The following ULBP1 variants were observed in gnomAD, a reference collection of about 807,000 sequenced individuals.
ULBP1 encodes UL16 binding protein 1.
A neutral mutation model predicts 25.3 loss-of-function variants in ULBP1; 28 were observed. The observed-to-expected ratio is 1.10, with a 90% CI of 0.82 to 1.51. The LOEUF (loss-of-function observed/expected upper bound fraction) is 1.51, where lower values mean the gene tolerates loss of function less well. Among genes scored for constraint, ULBP1 ranks in the 40% most tolerant of loss-of-function variants. The pLI, the probability that ULBP1 is intolerant of heterozygous loss-of-function variation, is 0.00. For missense variants in ULBP1, 348 were observed against 290.9 expected, an observed-to-expected ratio of 1.20 and a Z score of -1.43; for synonymous variants, 129 against 103.0, an observed-to-expected ratio of 1.25 and a Z score of -1.53.
intron 1 of ULBP1, among the ~76,000 whole-genome samples, chr6:149,964,481 G>T (rs1202435672): frequency 7.5e-6 from 1 of 133,640 alleles, no homozygotes; most frequent in Non-Finnish European, 1.6e-5. Flanking sequence ...TTTCTGGAAG[G>T]ACCGGTGCTG....
At chr6:149,964,935 TGCGATCTCCCCGAACATC>T (rs1189483380) in intron 1 of ULBP1, among the ~76,000 whole-genome samples, 1 of 99,570 alleles carries the variant, frequency 1.0e-5, no homozygotes, top group African/African-American at 3.7e-5. Flanking sequence ...CCCGAAACAT[TGCGATCTCCCCGAACATC>T]GCGATCTCGC....
chr6:149,967,770 T>C (rs1347970317), intron 1 of ULBP1, among the ~76,000 whole-genome samples: 4 of 152,104 alleles, frequency 2.6e-5, no homozygotes, highest in African/African-American at 7.2e-5. Flanking sequence ...GGATTTTCCA[T>C]CCCCATTACT....
chr6:149,969,455 G>A (rs934423380), intron 3 of ULBP1, 95 bp downstream of exon 3: 4 of 1,526,486 alleles, frequency 2.6e-6, no homozygotes, highest in Middle Eastern at 1.7e-4. Flanking sequence ...GTTTGAGTGA[G>A]TATGAACATG....
chr6:149,964,187 T>C (rs911299247), intron 1 of ULBP1, 53 bp downstream of exon 1: 11 of 1,602,034 alleles, frequency 6.9e-6, no homozygotes, highest in Admixed American at 3.4e-5. Flanking sequence ...TGGGAGGTTG[T>C]GGACTGCAGC....
Position 149,964,485 on chromosome 6 carries a change from G to T in ULBP1, c.85+351G>T, listed in dbSNP as rs532763256. The stretch of plus-strand genomic sequence containing the variant: ...AGGCCAGGAGGTTTCTGGAAGGACC[G>T]GTGCTGTCTCCCCGAACATCGTGGT... On this transcript the variant is annotated intron_variant, in intron 1 of 4. Transcript: ENST00000229708. 9.6e-5 allele frequency among the ~76,000 whole-genome samples: 14 copies of T among 146,128 alleles called. No individual in the cohort carries two copies. In the Admixed American group the frequency reaches 9.6e-4, roughly 10 times the overall value.
rs757993537 is a variant in ULBP1, at chr6:149,969,403, T to A, written c.625+43T>A. The A allele has an allele frequency of 4.4e-6, 7 of 1,596,644 alleles. No individual in the cohort carries two copies. The African/African-American group carries it at 9.4e-5, about 21-fold the overall frequency. ...AAATGGAAGCTGTCTCGAGTTCAGA[T>A]CTTATCAGCTGGTGTATGTGTGTGA... is the stretch of plus-strand genomic sequence containing the variant. On this transcript the variant is annotated intron_variant, in intron 3 of 4. Coordinates refer to ENST00000229708, the MANE Select transcript of ULBP1 (RefSeq NM_025218.4).
intron 4 of ULBP1, among the ~76,000 whole-genome samples, chr6:149,970,351 G>A (rs1204548527): frequency 6.6e-6 from 1 of 152,214 alleles, no homozygotes; most frequent in African/African-American, 2.4e-5. Flanking sequence ...GAGGCCAGAG[G>A]GAAAGGGAGG....
intron 4 of ULBP1, among the ~76,000 whole-genome samples, chr6:149,971,013 C>T (rs949151138): frequency 1.3e-5 from 2 of 152,232 alleles, no homozygotes; most frequent in African/African-American, 4.8e-5. Flanking sequence ...TACAAGCCCA[C>T]CCAAGGCCAG....
In ULBP1 at chr6:149,972,062, G is replaced by T. The variant is rs2114718044; in HGVS notation, c.*716G>T. ...TCTTCAAATCTTGGTCTCGAGCAAT[G>T]CTACCACCTTGGCCTCCCAATGCTC... is the stretch of plus-strand genomic sequence containing the variant. On this transcript the variant is annotated 3_prime_UTR_variant, in exon 5 of 5. Coordinates refer to ENST00000229708, the MANE Select transcript of ULBP1 (RefSeq NM_025218.4). 6.6e-6 allele frequency: 1 copy of T among 152,254 alleles called. No homozygotes were observed. Among genetic ancestry groups the T allele is most frequent in the South Asian group, 2.1e-4 (1 of 4,820 alleles). The allele number at this position is 152,254 out of a possible 1,614,324, so 9.4% of individuals were successfully genotyped here.
intron 1 of ULBP1, among the ~76,000 whole-genome samples, chr6:149,965,871 G>C (rs979005874): frequency 2.0e-5 from 3 of 151,936 alleles, no homozygotes; most frequent in Admixed American, 6.6e-5. Context: ...TCCATGAAGG[G>C]GCCCTTAGCA....
At chr6:149,967,570 T>A (rs1462745566) in intron 1 of ULBP1, among the ~76,000 whole-genome samples, 1 of 152,234 alleles carries the variant, frequency 6.6e-6, no homozygotes, top group Non-Finnish European at 1.5e-5. Context: ...TGTAATTATT[T>A]ATATCTAGCA....
intron 3 of ULBP1, among the ~76,000 whole-genome samples, 189 bp downstream of exon 3, chr6:149,969,549 C>T (rs1779272705): frequency 6.6e-6 from 1 of 152,052 alleles, no homozygotes; most frequent in Non-Finnish European, 1.5e-5. Context: ...CCTGACTCCT[C>T]TTCCTCACTG....
intron 4 of ULBP1, 71 bp downstream of exon 4, chr6:149,970,218 C>T: frequency 1.2e-5 from 18 of 1,499,912 alleles, no homozygotes; most frequent in Non-Finnish European, 1.6e-5. Flanking sequence ...AAGGAGAATT[C>T]CCAGAGTCCC....
chr6:149,968,471 G>A, intron 1 of ULBP1, 136 bp from the exon 2 acceptor site: 4 of 1,205,118 alleles, frequency 3.3e-6, no homozygotes, highest in South Asian at 1.6e-5. Flanking sequence ...TTTCATGACA[G>A]TCCTGGCTGG....
At position 149,968,594 on chromosome 6, in the gene ULBP1, T is replaced by C. The variant is rs1164595356; in HGVS notation, c.86-13T>C. ...CCCCCACACCAACCCCCTCCTGTGT[T>C]TTTCTTCCACAGACACACACTGTCT... On this transcript the variant is annotated splice_polypyrimidine_tract_variant and intron_variant, in intron 1 of 4. Coordinates refer to ENST00000229708, the MANE Select transcript of ULBP1 (RefSeq NM_025218.4). 1 of 1,596,560 alleles carries C rather than the reference T, an allele frequency of 6.3e-7. No homozygotes were observed. Among genetic ancestry groups the C allele is most frequent in the Non-Finnish European group, 8.6e-7 (1 of 1,167,828 alleles).
chr6:149,964,570 C>G (rs201572217), intron 1 of ULBP1, among the ~76,000 whole-genome samples: 1 of 150,724 alleles, frequency 6.6e-6, no homozygotes. Flanking sequence ...GCGATCTCCC[C>G]GAACATCGCG....
At chr6:149,965,508 C>T (rs374496338) in intron 1 of ULBP1, among the ~76,000 whole-genome samples, 3 of 152,196 alleles carry the variant, frequency 2.0e-5, no homozygotes, top group African/African-American at 7.2e-5. Context: ...CTGGTGCAGA[C>T]CCGCAGCCCC....
chr6:149,968,926 G>A, intron 2 of ULBP1, 56 bp downstream of exon 2: 1 of 1,567,282 alleles, frequency 6.4e-7, no homozygotes, highest in South Asian at 1.2e-5. Context: ...GTCATTTATT[G>A]ATTTCATATG....
At position 149,973,143 on chromosome 6, in the gene ULBP1, A is replaced by G. The variant is rs1435086727; in HGVS notation, c.*1797A>G. The G allele has an allele frequency of 6.6e-6, 1 of 152,248 alleles. No individual in the cohort carries two copies. Among genetic ancestry groups the G allele is most frequent in the African/African-American group, 2.4e-5 (1 of 41,466 alleles). 9.4% of individuals were successfully genotyped at this position (152,248 alleles called of 1,614,324 possible). A position where few individuals can be genotyped will look rare whatever the true frequency, so the allele number is the denominator to read the frequency against. On this transcript the variant is annotated 3_prime_UTR_variant, in exon 5 of 5. Coordinates refer to ENST00000229708, the MANE Select transcript of ULBP1 (RefSeq NM_025218.4). ...ACATAGATACGATGGAAAACTATGC[A>G]GCCATGAAACACAAGAAAATCATGT...
Sources: allele counts gnomAD v4.1 joint callset (sites outside exome capture counted in the v4.1 genomes callset), GRCh38; gene constraint gnomAD v4.1.1; transcripts MANE v1.5; gene names NCBI Gene and HGNC (gene_info 2026-07-23, HGNC 2026-07-21).